Variants in ELOVL7 observed in about 807,000 individuals in gnomAD.
The protein encoded by ELOVL7 is ELOVL fatty acid elongase 7, also known as very long chain fatty acid elongase 7.
A neutral mutation model predicts 35.7 loss-of-function variants in ELOVL7; 27 were observed. The observed-to-expected ratio is 0.76, with a 90% CI of 0.56 to 1.04. The LOEUF is 1.04. Ranked by LOEUF, ELOVL7 falls within the 50% of genes least tolerant of loss-of-function variation. ELOVL7 has a pLI of 0.00. For synonymous variants in ELOVL7, 113 were observed against 114.6 expected, an observed-to-expected ratio of 0.99 and a Z score of 0.09; for missense variants, 327 against 340.8, an observed-to-expected ratio of 0.96 and a Z score of 0.32.
chr5:60,829,168 C>CAA (rs35061839), intron 1 of ELOVL7, among the ~76,000 whole-genome samples: 6 of 149,860 alleles, frequency 4.0e-5, no homozygotes, highest in Non-Finnish European at 5.9e-5. Context: ...TTAGAGCTTT[C>CAA]AAAAAAAAAG....
chr5:60,811,653 C>G (rs1745243076), intron 1 of ELOVL7, among the ~76,000 whole-genome samples: 1 of 151,980 alleles, frequency 6.6e-6, no homozygotes, highest in African/African-American at 2.4e-5. Flanking sequence ...GAGAGTGAGT[C>G]TGTTATAAAA....
intron 3 of ELOVL7, among the ~76,000 whole-genome samples, chr5:60,778,595 G>A (rs1396214369): frequency 6.6e-6 from 1 of 152,126 alleles, no homozygotes; most frequent in African/African-American, 2.4e-5. Flanking sequence ...ACAGCACAGG[G>A]AAACTGTACC....
chr5:60,773,960 G>T (rs1457888405), intron 3 of ELOVL7, among the ~76,000 whole-genome samples: 1 of 152,080 alleles, frequency 6.6e-6, no homozygotes, highest in Non-Finnish European at 1.5e-5. Context: ...TATTTTTTTT[G>T]TAGAATGTTA....
At position 60,754,759 on chromosome 5, in the gene ELOVL7, G is replaced by A; in HGVS notation, c.711C>T (p.Val237=). 1 of 1,614,120 alleles carries A rather than the reference G, an allele frequency of 6.2e-7. No homozygotes were observed. The highest frequency in any genetic ancestry group is 1.3e-5 in the African/African-American group (1 of 75,042). ...FMEDCKYQFP[V]FACIIMSYSF... is the part of the protein sequence containing the mutation. ...TGTAACTCATAATGATGCACGCAAAGACTGGAAACTGATACTTGCAATCCT... is the reference window on the plus strand; with the variant it reads ...TGTAACTCATAATGATGCACGCAAAAACTGGAAACTGATACTTGCAATCCT... Residue 237 remains valine (V), a synonymous_variant, in exon 9 of 9, where the codon GTC becomes GTT. Transcript: ENST00000508821.
At chr5:60,783,679 A>G (rs546032368) in intron 3 of ELOVL7, among the ~76,000 whole-genome samples, 13 of 152,350 alleles carry the variant, frequency 8.5e-5, no homozygotes, top group African/African-American at 3.1e-4. Context: ...ATGAGAGTTC[A>G]GGTAGCAAGG....
chr5:60,754,615 T>G lies in ELOVL7; in HGVS notation c.*9A>C. On this transcript the variant is annotated 3_prime_UTR_variant, in exon 9 of 9. Coordinates refer to ENST00000508821, the MANE Select transcript of ELOVL7 (RefSeq NM_024930.3). ...TGTATCAGTTTCGATCATAGACTTA[T>G]GTTGGGCTTCAATTATCTTTGTTTT... The G allele has an allele frequency of 6.2e-7, 1 of 1,612,700 alleles. No individual in the cohort carries two copies. Among genetic ancestry groups the G allele is most frequent in the South Asian group, 1.1e-5 (1 of 91,022 alleles).
intron 1 of ELOVL7, among the ~76,000 whole-genome samples, chr5:60,821,964 T>C (rs143124070): frequency 8.3e-4 from 126 of 152,346 alleles, no homozygotes; most frequent in African/African-American, 2.6e-3. Flanking sequence ...AAAAACCCAG[T>C]TGGTCTATTA....
intron 1 of ELOVL7, chr5:60,802,607 T>C (rs373094852): frequency 3.4e-4 from 52 of 152,304 alleles, no homozygotes; most frequent in African/African-American, 1.1e-3. Flanking sequence ...TCAGCACATA[T>C]ATCCAGGATG....
At chr5:60,789,822 T>G (rs985568389) in intron 2 of ELOVL7, among the ~76,000 whole-genome samples, 3 of 152,148 alleles carry the variant, frequency 2.0e-5, no homozygotes, top group Non-Finnish European at 4.4e-5. Context: ...ATGGAAATAT[T>G]TCCAAGATAA....
intron 7 of ELOVL7, among the ~76,000 whole-genome samples, chr5:60,759,912 GT>G (rs1227324535): frequency 6.6e-6 from 1 of 152,138 alleles, no homozygotes; most frequent in African/African-American, 2.4e-5. Context: ...TCTTGCAATA[GT>G]TTACTGAGAA....
chr5:60,772,164 TTAAC>T, intron 3 of ELOVL7, 71 bp from the exon 4 acceptor site: 1 of 946,458 alleles, frequency 1.1e-6, no homozygotes, highest in Non-Finnish European at 1.6e-6. Context: ...CAACATTTCT[TTAAC>T]TGAGCACCCA....
At position 60,815,014 on chromosome 5, in the gene ELOVL7, A is replaced by G. The variant is rs149827399; in HGVS notation, c.-85-15784T>C. Among the ~76,000 whole-genome samples the G allele has an allele frequency of 3.9e-3, 590 of 152,332 alleles. 3 individuals carry two copies. Among genetic ancestry groups the G allele is most frequent in the African/African-American group, 0.013 (540 of 41,564 alleles). On this transcript the variant is annotated intron_variant, in intron 1 of 8. Transcript: ENST00000508821. The stretch of plus-strand genomic sequence containing the variant: ...AGGAAACTATAAGAGGACCCTAACA[A>G]AGCATATGAGCTGATAGTCTTAAAT...
chr5:60,827,246 A>G (rs1746220477), intron 1 of ELOVL7, among the ~76,000 whole-genome samples: 1 of 152,200 alleles, frequency 6.6e-6, no homozygotes, highest in South Asian at 2.1e-4. Flanking sequence ...CGTAATTTTG[A>G]TATGAAGGAA....
intron 1 of ELOVL7, among the ~76,000 whole-genome samples, chr5:60,807,581 A>G (rs892069998): frequency 6.6e-6 from 1 of 152,076 alleles, no homozygotes; most frequent in Non-Finnish European, 1.5e-5. Flanking sequence ...GGGGGGAAAG[A>G]AACCAAAGCA....
In ELOVL7 at chr5:60,830,738, T is replaced by C. The variant is rs143153546; in HGVS notation, c.-86+13422A>G. Among the ~76,000 whole-genome samples the C allele has an allele frequency of 9.8e-5, 15 of 152,316 alleles. 1 individual carries two copies. Among genetic ancestry groups the C allele is most frequent in the African/African-American group, 3.6e-4 (15 of 41,564 alleles). On this transcript the variant is annotated intron_variant, in intron 1 of 8. Coordinates refer to ENST00000508821, the MANE Select transcript of ELOVL7 (RefSeq NM_024930.3). Reference sequence around the variant, plus strand: ...ATATTTCAGTATTAATGAAATACATTCAGACTGTTGTGCAACCATCACTAC... The same window carrying C: ...ATATTTCAGTATTAATGAAATACATCCAGACTGTTGTGCAACCATCACTAC...
Position 60,754,615 on chromosome 5 carries a change from T to A in ELOVL7, c.*9A>T, listed in dbSNP as rs752584286. On this transcript the variant is annotated 3_prime_UTR_variant, in exon 9 of 9. Transcript: ENST00000508821. ...TGTATCAGTTTCGATCATAGACTTA[T>A]GTTGGGCTTCAATTATCTTTGTTTT... is the stretch of plus-strand genomic sequence containing the variant. The A allele has an allele frequency of 6.2e-7, 1 of 1,612,700 alleles. No homozygotes were observed. The highest frequency in any genetic ancestry group is 8.5e-7 in the Non-Finnish European group (1 of 1,178,710).
intron 3 of ELOVL7, among the ~76,000 whole-genome samples, chr5:60,777,302 A>G (rs751774548): frequency 5.3e-5 from 8 of 152,044 alleles, no homozygotes; most frequent in Non-Finnish European, 8.8e-5. Context: ...ACATGATATA[A>G]TTATTACATA....
intron 7 of ELOVL7, among the ~76,000 whole-genome samples, chr5:60,759,789 T>C (rs1741774849): frequency 6.6e-6 from 1 of 151,864 alleles, no homozygotes; most frequent in Admixed American, 6.6e-5. Flanking sequence ...CCCTCTCCCG[T>C]CCCCCAACCC....
At chr5:60,755,529 C>T (rs1192989372) in intron 8 of ELOVL7, among the ~76,000 whole-genome samples, 2 of 152,064 alleles carry the variant, frequency 1.3e-5, no homozygotes, top group South Asian at 2.1e-4. Context: ...CAGTGGTACG[C>T]GCCTGTAGTC....
Sources: allele counts gnomAD v4.1 joint callset (sites outside exome capture counted in the v4.1 genomes callset), GRCh38; gene constraint gnomAD v4.1.1; transcripts MANE v1.5; gene names NCBI Gene and HGNC (gene_info 2026-07-23, HGNC 2026-07-21).